TBC1D16: variants seen among roughly 807,000 people sequenced by gnomAD.
TBC1D16 encodes CTD-2529O21.1.
Under a neutral mutation model 74.7 loss-of-function variants are expected in TBC1D16, and 58 were observed. The observed-to-expected ratio is 0.78, with a 90% CI of 0.63 to 0.97. The LOEUF is 0.97. Among genes scored for constraint, TBC1D16 ranks in the 50% least tolerant of loss-of-function variants. The pLI, the probability that TBC1D16 is intolerant of heterozygous loss-of-function variation, is 0.00. For missense variants in TBC1D16, 1,014 were observed against 1,079.5 expected (o/e 0.94, Z 0.85); for synonymous variants, 493 against 474.7 (o/e 1.04, Z -0.50).
intron 1 of TBC1D16, among the ~76,000 whole-genome samples, chr17:80,029,886 G>A (rs770187504): frequency 2.0e-5 from 3 of 152,126 alleles, no homozygotes; most frequent in Non-Finnish European, 4.4e-5. Flanking sequence ...GAGGCTCTAA[G>A]GGAGAGTCTG....
intron 1 of TBC1D16, among the ~76,000 whole-genome samples, chr17:80,022,033 C>A (rs1310843009): frequency 2.7e-5 from 4 of 149,852 alleles, no homozygotes; most frequent in African/African-American, 1.0e-4. Flanking sequence ...TTGATGGTAA[C>A]TTTTTCTTAG....
chr17:79,955,377 G>A (rs1457479921), intron 3 of TBC1D16, among the ~76,000 whole-genome samples: 1 of 152,116 alleles, frequency 6.6e-6, no homozygotes, highest in Non-Finnish European at 1.5e-5. Flanking sequence ...TCCCAGCCCT[G>A]GCTTGGCGCA....
intron 3 of TBC1D16, among the ~76,000 whole-genome samples, chr17:79,978,310 C>T (rs567218707): frequency 1.3e-5 from 2 of 152,368 alleles, no homozygotes; most frequent in African/African-American, 2.4e-5. Flanking sequence ...TTAACTCTGC[C>T]GATCTGCAAC....
intron 8 of TBC1D16, among the ~76,000 whole-genome samples, chr17:79,948,557 C>T (rs376124986): frequency 9.2e-5 from 14 of 152,062 alleles, no homozygotes; most frequent in Admixed American, 6.6e-4. Flanking sequence ...GGACCACCCA[C>T]GGGGAGATGG....
Position 79,941,229 on chromosome 17 carries a change from G to GAGCCCTC in TBC1D16, c.2056-123_2056-122insGAGGGCT. ...ACGGCCTGCACCTCGGGGGCTCACC[G>GAGCCCTC]AGTCCTGGACTGAGGGCTCTGCCTG... On this transcript the variant is annotated intron_variant, in intron 11 of 11. Transcript: ENST00000310924. The surrounding 1 kb of genome is among the most constrained non-coding windows in gnomAD (Gnocchi z 4.3). 1 of 992,796 alleles carries GAGCCCTC rather than the reference G, an allele frequency of 1.0e-6. No individual in the cohort carries two copies. Among genetic ancestry groups the GAGCCCTC allele is most frequent in the Non-Finnish European group, 1.5e-6 (1 of 683,584 alleles). The allele number at this position is 992,796 out of a possible 1,614,324, so 61.5% of individuals were successfully genotyped here.
At chr17:79,972,464 A>G (rs2034152839) in intron 3 of TBC1D16, among the ~76,000 whole-genome samples, 1 of 152,190 alleles carries the variant, frequency 6.6e-6, no homozygotes, top group South Asian at 2.1e-4. Flanking sequence ...TGCAGGTGTG[A>G]GCCACTGCGC....
Position 79,944,140 on chromosome 17 carries a change from G to A in TBC1D16, c.1908+768C>T, listed in dbSNP as rs565724584. Reference sequence around the variant, plus strand: ...GTGAGTGAGGACAGGAGACGCTGACGCAAATGTCTTCCAGCAGATGGGTGT... The same window carrying A: ...GTGAGTGAGGACAGGAGACGCTGACACAAATGTCTTCCAGCAGATGGGTGT... On this transcript the variant is annotated intron_variant, in intron 10 of 11. Transcript: ENST00000310924. This position sits in a 1 kb window ranked among gnomAD's most constrained non-coding sequence, Gnocchi z 7.7. 3.1e-5 allele frequency: 48 copies of A among 1,535,754 alleles called. No individual in the cohort carries two copies. The highest frequency in any genetic ancestry group is 5.5e-5 in the African/African-American group (4 of 73,034).
At chr17:80,023,290 T>G (rs12937211) in intron 1 of TBC1D16, among the ~76,000 whole-genome samples, 147,561 of 149,664 alleles carry the variant, frequency 0.99, 72,838 homozygotes, top group Middle Eastern at 1. Flanking sequence ...CCCTCCCCTT[T>G]ATGGGCAGGC....
At position 79,951,559 on chromosome 17, in the gene TBC1D16, C is replaced by T. The variant is rs1469230085; in HGVS notation, c.980G>A (p.Ser327Asn). The change falls in exon 5 of 12, where the codon AGC becomes AAC. Residue 327 changes from serine (S) to asparagine (N), a missense_variant. By Grantham distance (46) the Ser-to-Asn change is conservative. Coordinates refer to ENST00000310924, the MANE Select transcript of TBC1D16 (RefSeq NM_019020.4). Reference protein sequence around the residue: ...ACTSGQLVVASRESQYKVFHF... With the variant: ...ACTSGQLVVANRESQYKVFHF... Reference sequence around the variant, plus strand: ...GAAAACCTTGTACTGGCTCTCTCGGCTGGCAACGACCAGCTGGCCGCTGGT... The same window carrying T: ...GAAAACCTTGTACTGGCTCTCTCGGTTGGCAACGACCAGCTGGCCGCTGGT... 8 of 1,613,888 alleles carry T rather than the reference C, an allele frequency of 5.0e-6. No individual in the cohort carries two copies. The highest frequency in any genetic ancestry group is 1.6e-4 in the Middle Eastern group (1 of 6,070).
At position 79,986,996 on chromosome 17, in the gene TBC1D16, C is replaced by T. The variant is rs1207175552; in HGVS notation, c.779+23164G>A. ...CCATCTGGGATATGTTTTGTTTCCA[C>T]AGAGGGACCCTGAATTTTGAGGTGG... On this transcript the variant is annotated intron_variant, in intron 3 of 11. Coordinates refer to ENST00000310924, the MANE Select transcript of TBC1D16 (RefSeq NM_019020.4). The surrounding 1 kb of genome is among the most constrained non-coding windows in gnomAD (Gnocchi z 6.0). Among the ~76,000 whole-genome samples, 1 of 152,212 alleles carries T rather than the reference C, an allele frequency of 6.6e-6. No homozygotes were observed. The highest frequency in any genetic ancestry group is 2.4e-5 in the African/African-American group (1 of 41,464).
intron 10 of TBC1D16, 101 bp from the exon 11 acceptor site, chr17:79,942,307 C>G: frequency 1.5e-6 from 2 of 1,319,718 alleles, no homozygotes; most frequent in South Asian, 2.8e-5. Flanking sequence ...GGCTCCAGGG[C>G]GAGGGGTCTG....
In TBC1D16 at chr17:79,949,835, T is replaced by C. The variant is rs776585740; in HGVS notation, c.1288A>G (p.Ile430Val). Reference protein sequence around the residue: ...AIFFGGIDVSIRGEVWPFLLR... With the variant: ...AIFFGGIDVSVRGEVWPFLLR... ...AGGAAGGGCCAGACCTCCCCGCGGA[T>C]TGACACATCAATACCGCCAAAGAAA... is the stretch of plus-strand genomic sequence containing the variant. The change falls in exon 7 of 12, where the codon ATC becomes GTC. Residue 430 changes from isoleucine (I) to valine (V), a missense_variant. Physicochemically the swap from Ile to Val is conservative, Grantham distance 29 (BLOSUM62 3). Coordinates refer to ENST00000310924, the MANE Select transcript of TBC1D16 (RefSeq NM_019020.4). 4.3e-6 allele frequency: 7 copies of C among 1,613,494 alleles called. No individual in the cohort carries two copies. The Admixed American group carries it at 6.7e-5, about 15-fold the overall frequency.
chr17:79,944,106 C>T lies in TBC1D16; in HGVS notation c.1908+802G>A, dbSNP rs573292666. On this transcript the variant is annotated intron_variant, in intron 10 of 11. Coordinates refer to ENST00000310924, the MANE Select transcript of TBC1D16 (RefSeq NM_019020.4). This position sits in a 1 kb window ranked among gnomAD's most constrained non-coding sequence, Gnocchi z 7.7. ...GACTCGCTTTCATCAGACATCAGCCCCCTGCGGTGTGAGTGAGGACAGGAG... is the reference window on the plus strand; with the variant it reads ...GACTCGCTTTCATCAGACATCAGCCTCCTGCGGTGTGAGTGAGGACAGGAG... 8.5e-6 allele frequency: 13 copies of T among 1,536,002 alleles called. No individual in the cohort carries two copies. The South Asian group carries it at 9.5e-5, about 11-fold the overall frequency.
In TBC1D16 at chr17:79,945,073, C is replaced by T. The variant is rs1206473340; in HGVS notation, c.1743G>A (p.Glu581=). The T allele has an allele frequency of 1.3e-6, 2 of 1,583,190 alleles. No homozygotes were observed. Among genetic ancestry groups the T allele is most frequent in the Admixed American group, 3.7e-5 (2 of 54,618 alleles). Residue 581 remains glutamate, a synonymous_variant, in exon 10 of 12, where the codon GAG becomes GAA. Transcript: ENST00000310924. ...AGCGCACGTGCGTCAGCCGCAGCAG[C>T]TCGCGCAGGTACAGCTGGGGGTGAG... The part of the protein sequence containing the change: ...DMEKQLLYLR[E]LLRLTHVRFY...
chr17:79,997,953 C>T (rs945453736), intron 3 of TBC1D16, among the ~76,000 whole-genome samples: 27 of 151,990 alleles, frequency 1.8e-4, no homozygotes, highest in Admixed American at 1.3e-4. Context: ...GGTGAAACCC[C>T]GTCTCTACTG....
intron 10 of TBC1D16, 46 bp from the exon 11 acceptor site, chr17:79,942,252 A>G (rs2143417099): frequency 6.5e-7 from 1 of 1,545,400 alleles, no homozygotes; most frequent in African/African-American, 1.4e-5. Context: ...ACCGAGCCCC[A>G]GGCCCTGCAC....
In TBC1D16 at chr17:79,952,531, G is replaced by A. The variant is rs77918597; in HGVS notation, c.941+126C>T. On this transcript the variant is annotated intron_variant, in intron 4 of 11. Coordinates refer to ENST00000310924, the MANE Select transcript of TBC1D16 (RefSeq NM_019020.4). Reference sequence around the variant, plus strand: ...AGATCAGCGAGGGAGGAAAGCAGACGCTTGGGAAGACTCCATCCAGGGCCC... The same window carrying A: ...AGATCAGCGAGGGAGGAAAGCAGACACTTGGGAAGACTCCATCCAGGGCCC... The A allele has an allele frequency of 1.7e-3, 2,028 of 1,223,956 alleles. 23 individuals carry two copies. The East Asian group carries it at 0.023, about 14-fold the overall frequency. 75.8% of individuals were successfully genotyped at this position (1,223,956 alleles called of 1,614,324 possible).
In TBC1D16 at chr17:80,018,484, A is replaced by G. The variant is rs1436034112; in HGVS notation, c.-62-4875T>C. ...TTTTTAGTAGAGATGGGGTTTCACC[A>G]TGTTAGCCAGGATGGTCTCGATCTC... On this transcript the variant is annotated intron_variant, in intron 1 of 11. Transcript: ENST00000310924. Among the ~76,000 whole-genome samples, 3 of 149,618 alleles carry G rather than the reference A, an allele frequency of 2.0e-5. No individual in the cohort carries two copies. The East Asian group carries it at 5.8e-4, about 29-fold the overall frequency.
Position 79,987,429 on chromosome 17 carries a change from T to C in TBC1D16, c.779+22731A>G, listed in dbSNP as rs1490781839. On this transcript the variant is annotated intron_variant, in intron 3 of 11. Transcript: ENST00000310924. The surrounding 1 kb of genome is among the most constrained non-coding windows in gnomAD (Gnocchi z 5.2). ...GCCCAGCTAAATTTTTTATTTTTTA[T>C]AGAGATGGGGTCTCGCTATGTTGTC... is the stretch of plus-strand genomic sequence containing the variant. Among the ~76,000 whole-genome samples the C allele has an allele frequency of 6.6e-6, 1 of 151,938 alleles. No homozygotes were observed. The highest frequency in any genetic ancestry group is 1.9e-4 in the East Asian group (1 of 5,162).
Sources: gnomAD v4.1 joint callset for allele counts (sites outside exome capture counted in the v4.1 genomes callset) on GRCh38, gnomAD v4.1.1 for gene constraint, Gnocchi (gnomAD v3.1) non-coding constraint, MANE v1.5 for transcripts, NCBI Gene and HGNC (gene_info 2026-07-23, HGNC 2026-07-21) for gene names.